Variants in TSPAN18 observed in about 807,000 individuals in gnomAD.
The protein encoded by TSPAN18 is tetraspanin 18.
Under a neutral mutation model 27.3 loss-of-function variants are expected in TSPAN18, and 14 were observed. That is an observed-to-expected ratio of 0.51 (90% CI 0.34 to 0.80). TSPAN18 has a LOEUF of 0.80. Ranked by LOEUF, TSPAN18 falls within the 30% of genes least tolerant of loss-of-function variation. The probability of loss-of-function intolerance (pLI) is 0.01; values close to 1 mark genes in which losing one functional copy is unlikely to be tolerated. For missense variants in TSPAN18, 268 were observed against 323.9 expected (o/e 0.83, Z 1.32); for synonymous variants, 143 against 136.5 (o/e 1.05, Z -0.33).
chr11:44,760,959 T>C (rs1855440252), intron 1 of TSPAN18, among the ~76,000 whole-genome samples: 2 of 152,192 alleles, frequency 1.3e-5, no homozygotes, highest in African/African-American at 4.8e-5. Context: ...AGAGCCATGA[T>C]ATCGTGTGCC....
At chr11:44,818,046 A>G (rs1055970415) in intron 2 of TSPAN18, among the ~76,000 whole-genome samples, 1 of 152,236 alleles carries the variant, frequency 6.6e-6, no homozygotes, top group Non-Finnish European at 1.5e-5. Flanking sequence ...AGGGATCTGC[A>G]GAGTTCTGAT....
chr11:44,748,871 C>T (rs1014069846), intron 1 of TSPAN18, among the ~76,000 whole-genome samples: 1 of 152,224 alleles, frequency 6.6e-6, no homozygotes, highest in Non-Finnish European at 1.5e-5. Context: ...TCCCTCCTCC[C>T]ACCCACTTCC....
At chr11:44,737,717 T>C (rs903963373) in intron 1 of TSPAN18, among the ~76,000 whole-genome samples, 2 of 152,148 alleles carry the variant, frequency 1.3e-5, no homozygotes, top group Non-Finnish European at 2.9e-5. Context: ...GGCTTTCATG[T>C]GACCTCTGCC....
rs75950778 is a variant in TSPAN18, at chr11:44,929,643, C to T, written c.*465C>T. 8.6e-4 allele frequency: 139 copies of T among 161,412 alleles called. No individual in the cohort carries two copies. In the East Asian group the frequency reaches 0.021, roughly 25 times the overall value. 10.0% of individuals were successfully genotyped at this position (161,412 alleles called of 1,614,324 possible). ...TTCAGCTGCCATGTCTTTGAGGACTCGGAACCCACAGCGCAATCCCTGGTC... is the reference window on the plus strand; with the variant it reads ...TTCAGCTGCCATGTCTTTGAGGACTTGGAACCCACAGCGCAATCCCTGGTC... On this transcript the variant is annotated 3_prime_UTR_variant, in exon 10 of 10. Transcript: ENST00000520358.
intron 2 of TSPAN18, among the ~76,000 whole-genome samples, chr11:44,835,016 C>T (rs1334642489): frequency 2.0e-5 from 3 of 152,186 alleles, no homozygotes; most frequent in Non-Finnish European, 2.9e-5. Flanking sequence ...ATCCTCCACA[C>T]CCTCAGACAT....
chr11:44,896,918 G>A (rs1859079607), intron 3 of TSPAN18, among the ~76,000 whole-genome samples: 1 of 152,158 alleles, frequency 6.6e-6, no homozygotes, highest in Admixed American at 6.5e-5. Flanking sequence ...GTGGGTGAGT[G>A]GGTGGGTTGA....
chr11:44,888,707 C>T (rs1858743664), intron 3 of TSPAN18, among the ~76,000 whole-genome samples: 1 of 152,156 alleles, frequency 6.6e-6, no homozygotes, highest in Non-Finnish European at 1.5e-5. Flanking sequence ...CCAGTCCCCT[C>T]CCCTCTGGAC....
chr11:44,916,543 G>A (rs188482503), intron 5 of TSPAN18, among the ~76,000 whole-genome samples: 21 of 152,138 alleles, frequency 1.4e-4, no homozygotes, highest in African/African-American at 4.3e-4. Context: ...CACATGCCTC[G>A]TGATTCCCCA....
chr11:44,837,290 T>G (rs1857283165), intron 2 of TSPAN18, among the ~76,000 whole-genome samples: 1 of 152,194 alleles, frequency 6.6e-6, no homozygotes, highest in South Asian at 2.1e-4. Flanking sequence ...GGGAGTTCAC[T>G]TCAGTGGAGG....
At position 44,851,612 on chromosome 11, in the gene TSPAN18, A is replaced by ACCCCCCCCCCC. The variant is rs1278720815; in HGVS notation, c.-152-8714_-152-8713insCCCCCCCCCCC. Among the ~76,000 whole-genome samples the ACCCCCCCCCCC allele has an allele frequency of 4.0e-4, 44 of 110,818 alleles. 6 individuals are homozygous for ACCCCCCCCCCC. Among genetic ancestry groups the ACCCCCCCCCCC allele is most frequent in the Middle Eastern group, 4.9e-3 (1 of 204 alleles). 72.7% of individuals were successfully genotyped at this position (110,818 alleles called of 152,430 possible). ...CTCTGTTAGCCCAGGTACTCTTGTCACCTCCCCCCCCCAACGGCTGGGTCC... is the reference window on the plus strand; with the variant it reads ...CTCTGTTAGCCCAGGTACTCTTGTCACCCCCCCCCCCCCTCCCCCCCCCAACGGCTGGGTCC... On this transcript the variant is annotated intron_variant, in intron 2 of 9. Coordinates refer to ENST00000520358, the MANE Select transcript of TSPAN18 (RefSeq NM_130783.5).
chr11:44,831,464 C>T (rs1857152172), intron 2 of TSPAN18, among the ~76,000 whole-genome samples: 2 of 152,176 alleles, frequency 1.3e-5, no homozygotes, highest in Admixed American at 1.3e-4. Flanking sequence ...CCTAGGCCCT[C>T]ACAAGCCCCA....
intron 1 of TSPAN18, among the ~76,000 whole-genome samples, chr11:44,740,150 A>G (rs1448967266): frequency 6.6e-6 from 1 of 152,050 alleles, no homozygotes; most frequent in Admixed American, 6.5e-5. Flanking sequence ...CCCCTTGCCT[A>G]TCTCTGCTTT....
chr11:44,890,419 C>T (rs1280960649), intron 3 of TSPAN18, among the ~76,000 whole-genome samples: 2 of 152,164 alleles, frequency 1.3e-5, no homozygotes, highest in African/African-American at 4.8e-5. Flanking sequence ...TTCAAATTAC[C>T]TAAAAATTGC....
At chr11:44,876,906 G>A (rs1479609321) in intron 3 of TSPAN18, among the ~76,000 whole-genome samples, 1 of 152,204 alleles carries the variant, frequency 6.6e-6, no homozygotes, top group African/African-American at 2.4e-5. Context: ...CAGGCCACAA[G>A]TCCCAGACAG....
At chr11:44,885,085 T>C (rs999905083) in intron 3 of TSPAN18, among the ~76,000 whole-genome samples, 2 of 152,216 alleles carry the variant, frequency 1.3e-5, no homozygotes. Context: ...GTAGCTGTGA[T>C]GGATACAATA....
chr11:44,827,535 G>T (rs1230946575), intron 2 of TSPAN18, among the ~76,000 whole-genome samples: 1 of 152,216 alleles, frequency 6.6e-6, no homozygotes, highest in Non-Finnish European at 1.5e-5. Flanking sequence ...GGTGTCTCCA[G>T]GTAGGTGATT....
At chr11:44,788,501 A>C (rs1399820888) in intron 2 of TSPAN18, among the ~76,000 whole-genome samples, 2 of 128,318 alleles carry the variant, frequency 1.6e-5, no homozygotes, top group Admixed American at 1.9e-4. Context: ...TATGTCTCCC[A>C]GGCTTGAGTG....
chr11:44,770,217 T>A (rs530415512), intron 2 of TSPAN18, among the ~76,000 whole-genome samples: 3 of 152,298 alleles, frequency 2.0e-5, no homozygotes, highest in Admixed American at 1.3e-4. Context: ...ATACATTGAA[T>A]ATCAGGTGCT....
At chr11:44,795,933 A>G (rs540869609) in intron 2 of TSPAN18, among the ~76,000 whole-genome samples, 29 of 152,178 alleles carry the variant, frequency 1.9e-4, no homozygotes, top group African/African-American at 6.7e-4. Context: ...GCCTGCAGAC[A>G]CAGCCTGTCA....
Sources: gnomAD v4.1 joint callset for allele counts (sites outside exome capture counted in the v4.1 genomes callset) on GRCh38, gnomAD v4.1.1 for gene constraint, MANE v1.5 for transcripts, NCBI Gene and HGNC (gene_info 2026-07-23, HGNC 2026-07-21) for gene names.